Variants in MPP1 observed in about 807,000 individuals in gnomAD.
The protein encoded by MPP1 is 55 kDa erythrocyte membrane protein.
MPP1 carries 6 observed loss-of-function variants against 38.2 expected under a neutral mutation model. That is an observed-to-expected ratio of 0.16 (90% confidence interval 0.09 to 0.31). MPP1 has a LOEUF of 0.31. MPP1 is among the 10% of genes least tolerant of loss of function. MPP1 has a pLI of 1.00. For synonymous variants in MPP1, 153 were observed against 146.3 expected, an observed-to-expected ratio of 1.05 and a Z score of -0.33; for missense variants, 293 against 368.9, an observed-to-expected ratio of 0.79 and a Z score of 1.69.
Position 154,778,949 on chromosome X carries a change from T to G in MPP1, c.*228A>C. The G allele has an allele frequency of 8.0e-6, 3 of 376,138 alleles. No individual in the cohort carries two copies. The highest frequency in any genetic ancestry group is 5.0e-5 in the Admixed American group (1 of 19,951). The allele number at this position is 376,138 out of a possible 1,213,427, so 31.0% of individuals were successfully genotyped here. A position where few individuals can be genotyped will look rare whatever the true frequency, so the allele number is the denominator to read the frequency against. ...GGTAGTACTTCTTACCCCCAATTTC[T>G]AGAAATCCTTTTCAAATCCAGATCA... On this transcript the variant is annotated 3_prime_UTR_variant, in exon 12 of 12. Coordinates refer to ENST00000369534, the MANE Select transcript of MPP1 (RefSeq NM_002436.4).
Position 154,779,227 on chromosome X carries a change from C to G in MPP1, c.1351G>C (p.Asp451His). The change falls in exon 12 of 12, where the codon GAC (aspartate) becomes CAC (histidine). Residue 451 changes from aspartate to histidine, a missense_variant. Coordinates refer to ENST00000369534, the MANE Select transcript of MPP1 (RefSeq NM_002436.4). ...CACTGTGGAGAACTGCACGCTTGGT[C>G]GAAGGCTTCTTGTAATTTCTTAAGG... ...ETLKKLQEAF[D>H]QACSSPQWVP... The G allele has an allele frequency of 8.3e-7, 1 of 1,211,525 alleles. No homozygotes were observed.
rs782542447 is a variant in MPP1, at chrX:154,795,430, C to T, written c.103-3145G>A. 3.6e-5 allele frequency among the ~76,000 whole-genome samples: 4 copies of T among 111,380 alleles called. No homozygotes were observed. In the South Asian group the frequency reaches 1.5e-3, roughly 42 times the overall value. The stretch of plus-strand genomic sequence containing the variant: ...GTGATGAAGGGTATACTAGCTTCAT[C>T]ATAAACAGTGAAAGAATGATTATAT... On this transcript the variant is annotated intron_variant, in intron 1 of 11. Coordinates refer to ENST00000369534, the MANE Select transcript of MPP1 (RefSeq NM_002436.4).
intron 9 of MPP1, 78 bp from the exon 10 acceptor site, chrX:154,781,880 T>A (rs1189536013): frequency 8.0e-6 from 8 of 1,002,008 alleles, no homozygotes; most frequent in Non-Finnish European, 9.7e-6. Context: ...GGTGTCTGTA[T>A]GGAAACCCTA....
chrX:154,790,091 TC>T, intron 4 of MPP1, 69 bp from the exon 5 acceptor site: 1 of 732,384 alleles, frequency 1.4e-6, no homozygotes, highest in Non-Finnish European at 2.0e-6. Context: ...TCATTCAAAG[TC>T]CCAGGTTTTT....
intron 7 of MPP1, 108 bp downstream of exon 7, chrX:154,784,943 C>T (rs1171690147): frequency 1.8e-5 from 12 of 650,627 alleles, no homozygotes; most frequent in East Asian, 6.9e-5. Flanking sequence ...CTGTAGAATG[C>T]GCCTTCTGCT....
At chrX:154,793,999 G>C (rs1408151437) in intron 1 of MPP1, among the ~76,000 whole-genome samples, 5 of 111,652 alleles carry the variant, frequency 4.5e-5, no homozygotes, top group African/African-American at 1.6e-4. Flanking sequence ...TTCTTGAAGA[G>C]TACACACCTG....
At chrX:154,802,467 G>T (rs782786811) in intron 1 of MPP1, among the ~76,000 whole-genome samples, 6 of 111,102 alleles carry the variant, frequency 5.4e-5, no homozygotes, top group East Asian at 5.6e-4. Flanking sequence ...ATTTTTTTTT[G>T]ATGTGGGATA....
intron 1 of MPP1, among the ~76,000 whole-genome samples, chrX:154,801,305 A>G (rs978600879): frequency 8.9e-6 from 1 of 112,407 alleles, no homozygotes; most frequent in African/African-American, 3.2e-5. Flanking sequence ...AACCTGAAAT[A>G]TCTGTTCCTG....
chrX:154,789,095 GT>G (rs2072112680), intron 5 of MPP1, among the ~76,000 whole-genome samples: 3 of 111,922 alleles, frequency 2.7e-5, no homozygotes, highest in Non-Finnish European at 5.6e-5. Context: ...AATTCATCCA[GT>G]TTTATACTTG....
chrX:154,800,562 C>G (rs2148540912), intron 1 of MPP1, among the ~76,000 whole-genome samples: 1 of 112,429 alleles, frequency 8.9e-6, no homozygotes, highest in East Asian at 2.8e-4. Flanking sequence ...CTGCAGATAC[C>G]TGGCACTGAG....
At chrX:154,786,463 T>C (rs2072075452) in intron 5 of MPP1, 63 bp from the exon 6 acceptor site, 13 of 1,036,731 alleles carry the variant, frequency 1.3e-5, no homozygotes, top group Non-Finnish European at 1.7e-5. Flanking sequence ...CATCAGAGCA[T>C]GTCCTGCTGT....
At chrX:154,804,651 A>G (rs1257971563) in intron 1 of MPP1, 5 of 335,393 alleles carry the variant, frequency 1.5e-5, no homozygotes, top group Non-Finnish European at 3.0e-5. Context: ...GTTGTAAACC[A>G]GCGAGTTTGG....
At position 154,805,356 on chromosome X, in the gene MPP1, G is replaced by A; in HGVS notation, c.18C>T (p.Ser6=). The change falls in exon 1 of 12, where the codon AGC becomes AGT. Residue 6 remains serine (S), a synonymous_variant. Coordinates refer to ENST00000369534, the MANE Select transcript of MPP1 (RefSeq NM_002436.4). MTLKA[S]EGESGGSMHT... ...GCATGCTGCCCCCACTCTCGCCCTC[G>A]CTCGCCTTGAGGGTCATCTCGCAGA... is the stretch of plus-strand genomic sequence containing the variant. 2 of 1,201,218 alleles carry A rather than the reference G, an allele frequency of 1.7e-6. No homozygotes were observed. The highest frequency in any genetic ancestry group is 2.2e-6 in the Non-Finnish European group (2 of 889,496).
At chrX:154,801,911 C>T (rs73561449) in intron 1 of MPP1, among the ~76,000 whole-genome samples, 85 of 109,993 alleles carry the variant, frequency 7.7e-4, no homozygotes, top group African/African-American at 2.7e-3. Context: ...TTACACTTTA[C>T]TTTCTAGTAT....
chrX:154,784,378 C>T (rs781951877), intron 7 of MPP1, among the ~76,000 whole-genome samples: 3 of 111,142 alleles, frequency 2.7e-5, no homozygotes, highest in Non-Finnish European at 3.8e-5. Flanking sequence ...GTCTCCTGTC[C>T]TCATCTCTTC....
At chrX:154,786,522 G>C (rs1332589162) in intron 5 of MPP1, 122 bp from the exon 6 acceptor site, 5 of 614,236 alleles carry the variant, frequency 8.1e-6, no homozygotes, top group Non-Finnish European at 1.3e-5. Flanking sequence ...TAAGAATGGT[G>C]GGGGAGCACC....
At chrX:154,799,141 G>C (rs1557268406) in intron 1 of MPP1, among the ~76,000 whole-genome samples, 1 of 112,117 alleles carries the variant, frequency 8.9e-6, no homozygotes, top group African/African-American at 3.3e-5. Context: ...ATTCCAGCTG[G>C]AAAAGTTCAA....
chrX:154,805,124 C>T, intron 1 of MPP1, 148 bp downstream of exon 1: 1 of 560,381 alleles, frequency 1.8e-6, no homozygotes, highest in African/African-American at 2.3e-5. Context: ...TGGCCTTGTC[C>T]TCACCCCGCC....
intron 3 of MPP1, 91 bp downstream of exon 3, chrX:154,791,678 G>A: frequency 1.2e-6 from 1 of 850,143 alleles, no homozygotes; most frequent in Non-Finnish European, 1.7e-6. Context: ...TACCAGTTTG[G>A]AGGATTATAA....
Sources: gnomAD v4.1 joint callset for allele counts (sites outside exome capture counted in the v4.1 genomes callset) on GRCh38, gnomAD v4.1.1 for gene constraint, MANE v1.5 for transcripts, NCBI Gene and HGNC (gene_info 2026-07-23, HGNC 2026-07-21) for gene names.